FKBP1B: variants seen among roughly 807,000 people sequenced by gnomAD.
FKBP1B encodes the protein FKBP prolyl isomerase 1B.
In FKBP1B, 4 loss-of-function variants were observed where a neutral mutation model predicts 13.5. The ratio of observed to expected loss-of-function variants is 0.30; its 90% CI spans 0.15 to 0.68. The LOEUF (loss-of-function observed/expected upper bound fraction) is 0.68. Among genes scored for constraint, FKBP1B ranks in the 30% least tolerant of loss-of-function variants. The pLI, the probability that FKBP1B is intolerant of heterozygous loss-of-function variation, is 0.76. For missense variants in FKBP1B, 93 were observed against 136.2 expected (o/e 0.68, Z 1.58); for synonymous variants, 54 against 53.6 (o/e 1.01, Z -0.03).
chr2:24,052,629 C>T (rs1006881724), intron 1 of FKBP1B, among the ~76,000 whole-genome samples: 1 of 152,128 alleles, frequency 6.6e-6, no homozygotes, highest in African/African-American at 2.4e-5. Context: ...TCATCATAAT[C>T]CATAATCATT....
At chr2:24,053,996 G>A in intron 2 of FKBP1B, 47 bp downstream of exon 2, 2 of 1,576,054 alleles carry the variant, frequency 1.3e-6, no homozygotes, top group Non-Finnish European at 8.7e-7. Context: ...CCCTCCCAAG[G>A]CAGGGCTGTC....
upstream of FKBP1B, among the ~76,000 whole-genome samples, chr2:24,048,299 G>A (rs1235531877): frequency 6.6e-6 from 1 of 151,804 alleles, no homozygotes; most frequent in Non-Finnish European, 1.5e-5. Flanking sequence ...GTGAAACCCT[G>A]TCTCTACTAA....
the FKBP1B span, among the ~76,000 whole-genome samples, chr2:24,042,965 G>A: frequency 3.3e-5 from 5 of 151,296 alleles, no homozygotes; most frequent in African/African-American, 7.3e-5. Flanking sequence ...CCCAGGAGGC[G>A]GAGGTTGCAG....
chr2:24,063,113 A>G lies in FKBP1B; in HGVS notation c.248A>G (p.Tyr83Cys), dbSNP rs781493742. 3 of 1,613,974 alleles carry G rather than the reference A, an allele frequency of 1.9e-6. No homozygotes were observed. Among genetic ancestry groups the G allele is most frequent in the Non-Finnish European group, 2.5e-6 (3 of 1,179,912 alleles). Residue 83 changes from tyrosine (Y) to cysteine (C), a missense_variant, in exon 4 of 4, where the codon TAT becomes TGT. By Grantham distance (194) the Tyr-to-Cys change is radical (BLOSUM62 -2). Transcript: ENST00000380986. ...AKLTCTPDVA[Y>C]GATGHPGVIP... ...CTGACCTGCACCCCTGATGTGGCAT[A>G]TGGAGCCACGGGCCACCCCGGTGTC... is the stretch of plus-strand genomic sequence containing the variant.
At chr2:24,059,844 G>A (rs537245785) in intron 2 of FKBP1B, among the ~76,000 whole-genome samples, 9 of 135,684 alleles carry the variant, frequency 6.6e-5, no homozygotes, top group South Asian at 2.4e-4. Flanking sequence ...GCAGTGAACC[G>A]AGATCACACC....
At chr2:24,052,170 C>T (rs1663910213) in intron 1 of FKBP1B, among the ~76,000 whole-genome samples, 1 of 152,180 alleles carries the variant, frequency 6.6e-6, no homozygotes, top group Admixed American at 6.5e-5. Context: ...TCTCTGCTGC[C>T]ACCACCTTAA....
At chr2:24,057,174 T>TAATA (rs1664164875) in intron 2 of FKBP1B, among the ~76,000 whole-genome samples, 1 of 151,974 alleles carries the variant, frequency 6.6e-6, no homozygotes, top group Non-Finnish European at 1.5e-5. Flanking sequence ...TCTTTCTTTT[T>TAATA]AAAATTTTTT....
At chr2:24,059,719 C>T (rs1220615456) in intron 2 of FKBP1B, among the ~76,000 whole-genome samples, 3 of 151,634 alleles carry the variant, frequency 2.0e-5, no homozygotes, top group Non-Finnish European at 4.4e-5. Flanking sequence ...CATAGCAAAA[C>T]CCCATCTCTA....
chr2:24,036,654 G>A, the FKBP1B span, among the ~76,000 whole-genome samples: 1 of 152,188 alleles, frequency 6.6e-6, no homozygotes, highest in South Asian at 2.1e-4. Context: ...GCATCATTTG[G>A]AGTAGCTAAA....
intron 2 of FKBP1B, among the ~76,000 whole-genome samples, chr2:24,055,234 GAC>G (rs1664069729): frequency 6.9e-6 from 1 of 145,568 alleles, no homozygotes; most frequent in Non-Finnish European, 1.5e-5. Context: ...GTTGTTTTGA[GAC>G]AGGGTCTCAC....
Position 24,053,940 on chromosome 2 carries a change from C to T in FKBP1B, c.76C>T (p.His26Tyr), listed in dbSNP as rs1403103573. ...CAAGAAGGGCCAAACGTGTGTGGTG[C>T]ACTACACAGGTAAGTCTCACCCCCT... is the stretch of plus-strand genomic sequence containing the variant. ...FPKKGQTCVV[H>Y]YTGMLQNGKK... Residue 26 changes from histidine (H) to tyrosine (Y), a missense_variant, in exon 2 of 4, where the codon CAC becomes TAC. His to Tyr is a moderately conservative substitution (Grantham distance 83, BLOSUM62 2). Coordinates refer to ENST00000380986, the MANE Select transcript of FKBP1B (RefSeq NM_004116.5). 3 of 1,614,044 alleles carry T rather than the reference C, an allele frequency of 1.9e-6. No individual in the cohort carries two copies. The highest frequency in any genetic ancestry group is 1.3e-5 in the African/African-American group (1 of 74,928).
upstream of FKBP1B, among the ~76,000 whole-genome samples, chr2:24,048,312 A>G (rs546538729): frequency 2.2e-4 from 34 of 151,934 alleles, no homozygotes; most frequent in Non-Finnish European, 4.0e-4. Context: ...TCTACTAAAA[A>G]TTTAAAAATT....
At chr2:24,059,701 C>G (rs1023333140) in intron 2 of FKBP1B, among the ~76,000 whole-genome samples, 8 of 151,808 alleles carry the variant, frequency 5.3e-5, no homozygotes, top group Non-Finnish European at 1.0e-4. Context: ...CGAGACCAGC[C>G]TGGCCAACAT....
chr2:24,039,271 A>C, the FKBP1B span: 15 of 1,614,216 alleles, frequency 9.3e-6, no homozygotes, highest in South Asian at 1.6e-4. Context: ...AGCGAGTAGA[A>C]CAGGTGTATC....
chr2:24,053,628 T>C (rs1279612906), intron 1 of FKBP1B, among the ~76,000 whole-genome samples: 1 of 129,670 alleles, frequency 7.7e-6, no homozygotes, highest in Admixed American at 8.4e-5. Context: ...TGATGTGAAG[T>C]AAAAGGGGCA....
intron 2 of FKBP1B, among the ~76,000 whole-genome samples, chr2:24,056,398 G>A (rs556692633): frequency 4.6e-4 from 69 of 150,570 alleles, no homozygotes; most frequent in African/African-American, 1.7e-3. Context: ...AGGCTGGAGT[G>A]CAGTGGTGCG....
At chr2:24,053,811 C>T in intron 1 of FKBP1B, 91 bp from the exon 2 acceptor site, 1 of 1,241,268 alleles carries the variant, frequency 8.1e-7, no homozygotes, top group Non-Finnish European at 1.2e-6. Context: ...GAGGGGAATG[C>T]AGGCTGGAGC....
At position 24,063,477 on chromosome 2, in the gene FKBP1B, GTT is replaced by G; in HGVS notation, c.*286_*287del. 2.9e-6 allele frequency: 1 copy of G among 339,034 alleles called. No homozygotes were observed. The highest frequency in any genetic ancestry group is 5.3e-6 in the Non-Finnish European group (1 of 187,910). The allele number at this position is 339,034 out of a possible 1,614,324, so 21.0% of individuals were successfully genotyped here. On this transcript the variant is annotated 3_prime_UTR_variant, in exon 4 of 4. Coordinates refer to ENST00000380986, the MANE Select transcript of FKBP1B (RefSeq NM_004116.5). The stretch of plus-strand genomic sequence containing the variant: ...CCTGATGACAGAACACAGATCTCTT[GTT>G]CGCACAATCTACACTGCCTTACCTT...
Position 24,063,406 on chromosome 2 carries a change from A to C in FKBP1B, c.*214A>C, listed in dbSNP as rs1664492105. ...TTGAGGAAACTTCGGTTGCAGATTG[A>C]AGCATTTCAGGTTGTGCATTTTGTG... On this transcript the variant is annotated 3_prime_UTR_variant, in exon 4 of 4. Coordinates refer to ENST00000380986, the MANE Select transcript of FKBP1B (RefSeq NM_004116.5). 3.9e-6 allele frequency: 2 copies of C among 510,582 alleles called. No individual in the cohort carries two copies. Among genetic ancestry groups the C allele is most frequent in the Non-Finnish European group, 3.4e-6 (1 of 294,046 alleles). The allele number at this position is 510,582 out of a possible 1,614,324, so 31.6% of individuals were successfully genotyped here. A position where few individuals can be genotyped will look rare whatever the true frequency, so the allele number is the denominator to read the frequency against.
Sources: gnomAD v4.1 joint callset for allele counts (sites outside exome capture counted in the v4.1 genomes callset) on GRCh38, gnomAD v4.1.1 for gene constraint, MANE v1.5 for transcripts, NCBI Gene and HGNC (gene_info 2026-07-23, HGNC 2026-07-21) for gene names.